Variants in ZEB1 observed in about 807,000 individuals in gnomAD.
ZEB1 encodes zinc finger E-box binding homeobox 1, also known as zinc finger E-box-binding homeobox 1.
ZEB1 carries 21 observed loss-of-function variants against 84.9 expected under a neutral mutation model. The observed-to-expected ratio is 0.25, with a 90% CI of 0.18 to 0.36. The LOEUF (loss-of-function observed/expected upper bound fraction) is 0.36, where lower values mean the gene tolerates loss of function less well. ZEB1 is among the 10% of genes least tolerant of loss of function. The pLI, the probability that ZEB1 is intolerant of heterozygous loss-of-function variation, is 1.00. For synonymous variants in ZEB1, 420 were observed against 471.1 expected (o/e 0.89, Z 1.41); for missense variants, 1,104 against 1,330.2 (o/e 0.83, Z 2.65).
intron 1 of ZEB1, among the ~76,000 whole-genome samples, chr10:31,425,725 A>G (rs7906717): frequency 0.12 from 17,809 of 152,022 alleles, 2,658 homozygotes; most frequent in African/African-American, 0.34. Flanking sequence ...CTTGAAACCT[A>G]ATTTTTCTCT....
intron 6 of ZEB1, among the ~76,000 whole-genome samples, 190 bp downstream of exon 6, chr10:31,514,898 A>G (rs1296813301): frequency 6.6e-6 from 1 of 152,078 alleles, no homozygotes; most frequent in South Asian, 2.1e-4. Flanking sequence ...AGTATATCAA[A>G]TTAATATAGT....
intron 1 of ZEB1, among the ~76,000 whole-genome samples, chr10:31,351,038 T>C (rs1381096588): frequency 2.0e-5 from 3 of 152,178 alleles, no homozygotes; most frequent in African/African-American, 7.2e-5. Flanking sequence ...GTTCACTTTC[T>C]CTCTTGTAAA....
chr10:31,452,448 T>C (rs188099463), intron 1 of ZEB1, among the ~76,000 whole-genome samples: 3 of 152,248 alleles, frequency 2.0e-5, no homozygotes, highest in Admixed American at 6.5e-5. Flanking sequence ...TGGAGTAATA[T>C]TATATGCAGA....
At chr10:31,418,195 A>C (rs995864773) in intron 1 of ZEB1, among the ~76,000 whole-genome samples, 1 of 151,942 alleles carries the variant, frequency 6.6e-6, no homozygotes, top group African/African-American at 2.4e-5. Flanking sequence ...AAACCTTCCC[A>C]TGTAGGAATG....
At chr10:31,458,217 A>C (rs1428123482) in intron 1 of ZEB1, among the ~76,000 whole-genome samples, 1 of 152,122 alleles carries the variant, frequency 6.6e-6, no homozygotes, top group African/African-American at 2.4e-5. Context: ...ATGCCAACTT[A>C]AAATGACTTT....
intron 6 of ZEB1, among the ~76,000 whole-genome samples, chr10:31,517,471 A>G (rs2139700611): frequency 6.6e-6 from 1 of 151,014 alleles, no homozygotes; most frequent in East Asian, 1.9e-4. Context: ...TTTTTGTATC[A>G]GATGCAGCCA....
At chr10:31,339,678 G>A (rs2038963442) in intron 1 of ZEB1, among the ~76,000 whole-genome samples, 1 of 151,832 alleles carries the variant, frequency 6.6e-6, no homozygotes, top group Non-Finnish European at 1.5e-5. Context: ...GCTGAGACAG[G>A]AGAATCGCTT....
chr10:31,321,058 G>T, intron 1 of ZEB1: 1 of 801,828 alleles, frequency 1.2e-6, no homozygotes, highest in Non-Finnish European at 1.5e-6. Flanking sequence ...CTGCAGCGTC[G>T]AGAAAACGAG....
intron 1 of ZEB1, among the ~76,000 whole-genome samples, chr10:31,441,234 G>A (rs963637420): frequency 6.6e-6 from 1 of 152,124 alleles, no homozygotes; most frequent in Non-Finnish European, 1.5e-5. Context: ...ACAGAACAGA[G>A]GCCTCAGAAA....
Position 31,521,407 on chromosome 10 carries a change from T to C in ZEB1, c.2075T>C (p.Val692Ala). The change falls in exon 7 of 9, where the codon GTG becomes GCG. Residue 692 changes from valine to alanine, a missense_variant. By Grantham distance (64) the Val-to-Ala change is moderately conservative. Coordinates refer to ENST00000424869, the MANE Select transcript of ZEB1 (RefSeq NM_001174096.2). ...ATGACTAACTCCCCAGTTTTACCAG[T>C]GGGATCAACCACCAATGGTTCCAGA... ...LKMTNSPVLP[V>A]GSTTNGSRSS... The C allele has an allele frequency of 6.2e-7, 1 of 1,614,122 alleles. No individual in the cohort carries two copies. The highest frequency in any genetic ancestry group is 1.1e-5 in the South Asian group (1 of 91,088).
intron 1 of ZEB1, among the ~76,000 whole-genome samples, chr10:31,380,754 A>G (rs576344914): frequency 2.0e-4 from 31 of 152,324 alleles, no homozygotes; most frequent in African/African-American, 7.5e-4. Context: ...CTAGTGTAAC[A>G]TTCCAAAGGT....
At chr10:31,479,256 A>T (rs2064721057) in intron 2 of ZEB1, among the ~76,000 whole-genome samples, 1 of 151,926 alleles carries the variant, frequency 6.6e-6, no homozygotes, top group South Asian at 2.1e-4. Context: ...ATCTCCCAAC[A>T]AAGACAAGTC....
intron 2 of ZEB1, among the ~76,000 whole-genome samples, chr10:31,476,350 G>C (rs927484102): frequency 6.6e-6 from 1 of 151,958 alleles, no homozygotes; most frequent in Admixed American, 6.6e-5. Flanking sequence ...GCACAAACTA[G>C]ATAACCTAGA....
intron 5 of ZEB1, among the ~76,000 whole-genome samples, chr10:31,512,065 T>C (rs2070163874): frequency 6.6e-6 from 1 of 152,042 alleles, no homozygotes; most frequent in African/African-American, 2.4e-5. Context: ...GCAAACTCCG[T>C]CTCCTTCCTA....
At chr10:31,453,632 C>T (rs1048671359) in intron 1 of ZEB1, among the ~76,000 whole-genome samples, 1 of 151,640 alleles carries the variant, frequency 6.6e-6, no homozygotes, top group Admixed American at 6.6e-5. Flanking sequence ...ATTTATTGAC[C>T]TCGCAAATAA....
chr10:31,499,503 A>T (rs138076757), intron 3 of ZEB1, among the ~76,000 whole-genome samples: 3 of 152,254 alleles, frequency 2.0e-5, no homozygotes, highest in African/African-American at 7.2e-5. Flanking sequence ...TTCTGTCAGG[A>T]AAAAAAGCAT....
At chr10:31,349,849 A>G (rs2041006292) in intron 1 of ZEB1, among the ~76,000 whole-genome samples, 1 of 151,624 alleles carries the variant, frequency 6.6e-6, no homozygotes, top group African/African-American at 2.4e-5. Context: ...GTTTTCAAAT[A>G]TTTTCTCCCA....
intron 1 of ZEB1, among the ~76,000 whole-genome samples, chr10:31,410,525 A>C (rs569127132): frequency 6.6e-6 from 1 of 152,300 alleles, no homozygotes; most frequent in South Asian, 2.1e-4. Flanking sequence ...TCATAAAATG[A>C]GTTAGGGAGG....
chr10:31,334,309 A>G (rs370414178), intron 1 of ZEB1, among the ~76,000 whole-genome samples: 1 of 152,094 alleles, frequency 6.6e-6, no homozygotes, highest in Non-Finnish European at 1.5e-5. Context: ...ATCACATTAC[A>G]CTTTCTGTTT....
Sources: gnomAD v4.1 joint callset for allele counts (sites outside exome capture counted in the v4.1 genomes callset) on GRCh38, gnomAD v4.1.1 for gene constraint, MANE v1.5 for transcripts, NCBI Gene and HGNC (gene_info 2026-07-23, HGNC 2026-07-21) for gene names.